Variants in OSBPL6 observed in about 807,000 individuals in gnomAD.
OSBPL6 encodes the protein oxysterol binding protein like 6, also known as oxysterol-binding protein-related protein 6.
A neutral mutation model predicts 125.8 loss-of-function variants in OSBPL6; 49 were observed. The observed-to-expected ratio is 0.39, with a 90% confidence interval of 0.31 to 0.49. The LOEUF (loss-of-function observed/expected upper bound fraction) is 0.49, where lower values mean the gene tolerates loss of function less well. Ranked by LOEUF, OSBPL6 falls within the 20% of genes least tolerant of loss-of-function variation. OSBPL6 has a pLI of 0.88. For synonymous variants in OSBPL6, 394 were observed against 391.8 expected (o/e 1.01, Z -0.07); for missense variants, 986 against 1,135.4 (o/e 0.87, Z 1.89).
chr2:178,380,843 T>G (rs1694405986), intron 15 of OSBPL6, among the ~76,000 whole-genome samples: 1 of 152,222 alleles, frequency 6.6e-6, no homozygotes, highest in African/African-American at 2.4e-5. Context: ...CTGTAGCTAC[T>G]ATAATGAAAA....
intron 12 of OSBPL6, among the ~76,000 whole-genome samples, chr2:178,354,363 A>G (rs1366184428): frequency 6.6e-6 from 1 of 152,210 alleles, no homozygotes; most frequent in Non-Finnish European, 1.5e-5. Context: ...AGAGGCACAC[A>G]TAGGCTCAAA....
chr2:178,384,935 G>C (rs774950356), intron 18 of OSBPL6, among the ~76,000 whole-genome samples: 1 of 151,972 alleles, frequency 6.6e-6, no homozygotes, highest in African/African-American at 2.4e-5. Flanking sequence ...GGAGGCAGGT[G>C]GTCCTGAGAT....
At chr2:178,198,814 C>G (rs1020062022) in intron 1 of OSBPL6, among the ~76,000 whole-genome samples, 5 of 152,058 alleles carry the variant, frequency 3.3e-5, no homozygotes, top group Admixed American at 6.5e-5. Flanking sequence ...AAAAACTCAC[C>G]ACATATTGCC....
At chr2:178,329,766 T>C (rs1488044423) in intron 5 of OSBPL6, among the ~76,000 whole-genome samples, 2 of 152,110 alleles carry the variant, frequency 1.3e-5, no homozygotes, top group African/African-American at 2.4e-5. Context: ...TTGAAATCAG[T>C]GGAAGAATAA....
chr2:178,266,802 A>G (rs534672291), intron 1 of OSBPL6, among the ~76,000 whole-genome samples: 1 of 152,342 alleles, frequency 6.6e-6, no homozygotes, highest in East Asian at 1.9e-4. Flanking sequence ...AATTATTACT[A>G]TTGTTAACCA....
At chr2:178,231,037 G>C (rs1014861754) in intron 1 of OSBPL6, among the ~76,000 whole-genome samples, 2 of 152,086 alleles carry the variant, frequency 1.3e-5, no homozygotes, top group African/African-American at 2.4e-5. Flanking sequence ...CACACACACA[G>C]AGTGGGTTAA....
intron 3 of OSBPL6, among the ~76,000 whole-genome samples, chr2:178,316,454 C>A (rs1401094409): frequency 6.6e-6 from 1 of 152,150 alleles, no homozygotes; most frequent in Non-Finnish European, 1.5e-5. Flanking sequence ...CATAGCCACA[C>A]AGTGAAATAT....
rs866121466 is a variant in OSBPL6 at position 178,391,335 on chromosome 2, G to A, written c.2446+118G>A. 5.7e-5 allele frequency: 62 copies of A among 1,080,630 alleles called. No individual in the cohort carries two copies. The Middle Eastern group carries it at 9.8e-4, about 17-fold the overall frequency. The allele number at this position is 1,080,630 out of a possible 1,614,324, so 66.9% of individuals were successfully genotyped here. A position where few individuals can be genotyped will look rare whatever the true frequency, so the allele number is the denominator to read the frequency against. The stretch of plus-strand genomic sequence containing the variant: ...GTTTCCTTTAAGAGTGAGATTAAAA[G>A]CGTAGATGCTTATGGCAATTATAGT... On this transcript the variant is annotated intron_variant, in intron 22 of 24. Transcript: ENST00000190611.
intron 1 of OSBPL6, among the ~76,000 whole-genome samples, chr2:178,276,063 A>C: frequency 6.6e-6 from 1 of 152,220 alleles, no homozygotes. Context: ...AATATAGATT[A>C]GTAAGCTTTG....
At chr2:178,198,287 C>G (rs1184793154) in intron 1 of OSBPL6, among the ~76,000 whole-genome samples, 1 of 152,044 alleles carries the variant, frequency 6.6e-6, no homozygotes, top group Non-Finnish European at 1.5e-5. Flanking sequence ...TATGAAGAAT[C>G]TTGGCGTGTA....
chr2:178,306,614 G>C (rs1686787415), intron 3 of OSBPL6, among the ~76,000 whole-genome samples: 1 of 152,148 alleles, frequency 6.6e-6, no homozygotes, highest in Non-Finnish European at 1.5e-5. Context: ...AGGTGGAAAG[G>C]GAACTGTGAA....
At chr2:178,371,310 A>T (rs1693362328) in intron 13 of OSBPL6, among the ~76,000 whole-genome samples, 1 of 152,186 alleles carries the variant, frequency 6.6e-6, no homozygotes, top group Non-Finnish European at 1.5e-5. Context: ...GATTCACTGT[A>T]CCTTTGTCAA....
intron 1 of OSBPL6, among the ~76,000 whole-genome samples, chr2:178,209,435 CTTTCT>C (rs1310345212): frequency 0.069 from 6,628 of 96,198 alleles, 124 homozygotes; most frequent in Middle Eastern, 0.098. Flanking sequence ...TTCTTTCTTT[CTTTCT>C]TTTTTTTTTT....
chr2:178,289,712 T>G (rs1343653528), intron 2 of OSBPL6, among the ~76,000 whole-genome samples: 1 of 152,244 alleles, frequency 6.6e-6, no homozygotes, highest in Non-Finnish European at 1.5e-5. Flanking sequence ...ATAAAACTCT[T>G]ATCTAGAATA....
intron 1 of OSBPL6, among the ~76,000 whole-genome samples, chr2:178,226,005 A>G (rs1172558304): frequency 2.6e-5 from 4 of 152,136 alleles, no homozygotes; most frequent in Non-Finnish European, 5.9e-5. Flanking sequence ...AGTCCAGGGA[A>G]CCCCCAAAGG....
chr2:178,387,330 G>A (rs1423208205), intron 20 of OSBPL6, among the ~76,000 whole-genome samples, 191 bp downstream of exon 20: 1 of 152,176 alleles, frequency 6.6e-6, no homozygotes, highest in Non-Finnish European at 1.5e-5. Context: ...AAAGCTTCCT[G>A]TTTATTTCTT....
At chr2:178,320,748 A>C (rs930515751) in intron 3 of OSBPL6, among the ~76,000 whole-genome samples, 5 of 152,254 alleles carry the variant, frequency 3.3e-5, no homozygotes, top group African/African-American at 1.2e-4. Flanking sequence ...ATGACTACTC[A>C]TAGCTTTAAA....
In OSBPL6 at chr2:178,397,803, G is replaced by A. The variant is rs931701826; in HGVS notation, c.*2244G>A. On this transcript the variant is annotated 3_prime_UTR_variant, in exon 25 of 25. Coordinates refer to ENST00000190611, the MANE Select transcript of OSBPL6 (RefSeq NM_032523.4). ...TAATTACAAAAAAGAAAAAATAGTA[G>A]AAAGGATCTTTACCAGACAGTAAGG... The A allele has an allele frequency of 6.6e-6, 1 of 152,222 alleles. No homozygotes were observed. Among genetic ancestry groups the A allele is most frequent in the African/African-American group, 2.4e-5 (1 of 41,468 alleles). 9.4% of individuals were successfully genotyped at this position (152,222 alleles called of 1,614,324 possible).
chr2:178,392,195 G>A (rs1460695338), intron 22 of OSBPL6, among the ~76,000 whole-genome samples: 1 of 152,138 alleles, frequency 6.6e-6, no homozygotes, highest in Non-Finnish European at 1.5e-5. Flanking sequence ...TGAAAGACAG[G>A]ATTGTATTAA....
Sources: allele counts gnomAD v4.1 joint callset (sites outside exome capture counted in the v4.1 genomes callset), GRCh38; gene constraint gnomAD v4.1.1; transcripts MANE v1.5; gene names NCBI Gene and HGNC (gene_info 2026-07-23, HGNC 2026-07-21).